Variants in HECW2 observed in about 807,000 individuals in gnomAD.
HECW2 encodes HECT, C2 and WW domain containing E3 ubiquitin protein ligase 2.
In HECW2, 61 loss-of-function variants were observed where a neutral mutation model predicts 175.2. The observed-to-expected ratio is 0.35, with a 90% CI of 0.28 to 0.43. The LOEUF is 0.43. Ranked by LOEUF, HECW2 falls within the 20% of genes least tolerant of loss-of-function variation. HECW2 has a pLI of 1.00. For synonymous variants in HECW2, 671 were observed against 731.0 expected, an observed-to-expected ratio of 0.92 and a Z score of 1.32; for missense variants, 1,524 against 2,000.5, an observed-to-expected ratio of 0.76 and a Z score of 4.54.
chr2:196,433,510 G>A, intron 1 of HECW2, 52 bp from the exon 2 acceptor site: 3 of 1,322,030 alleles, frequency 2.3e-6, no homozygotes, highest in Non-Finnish European at 2.1e-6. Context: ...CGAAGAATCA[G>A]ATTTAAGCTT....
At chr2:196,526,937 C>G (rs1688676296) in intron 1 of HECW2, among the ~76,000 whole-genome samples, 1 of 152,060 alleles carries the variant, frequency 6.6e-6, no homozygotes, top group Non-Finnish European at 1.5e-5. Context: ...TTTTGTTTGT[C>G]TGTGCCCTGC....
intron 10 of HECW2, chr2:196,315,718 G>A (rs993469309): frequency 1.3e-5 from 2 of 152,136 alleles, no homozygotes; most frequent in African/African-American, 4.8e-5. Flanking sequence ...ACATTGAGAT[G>A]TCACAAACAT....
At chr2:196,338,588 C>G (rs921552273) in intron 3 of HECW2, among the ~76,000 whole-genome samples, 3 of 152,152 alleles carry the variant, frequency 2.0e-5, no homozygotes, top group African/African-American at 7.2e-5. Context: ...TTGCCTCAGA[C>G]TAGGATCTCA....
intron 1 of HECW2, among the ~76,000 whole-genome samples, chr2:196,592,124 A>G (rs1691220849): frequency 6.6e-6 from 1 of 152,236 alleles, no homozygotes; most frequent in Non-Finnish European, 1.5e-5. Context: ...ACTACTCCAG[A>G]AAAGACAAGT....
At chr2:196,306,306 T>A (rs1691259053) in intron 13 of HECW2, among the ~76,000 whole-genome samples, 182 bp downstream of exon 13, 1 of 152,184 alleles carries the variant, frequency 6.6e-6, no homozygotes, top group African/African-American at 2.4e-5. Flanking sequence ...AGCAGCCCAA[T>A]GAACTCAAAC....
intron 1 of HECW2, among the ~76,000 whole-genome samples, chr2:196,481,919 T>C (rs938247976): frequency 6.6e-6 from 1 of 152,170 alleles, no homozygotes; most frequent in East Asian, 1.9e-4. Flanking sequence ...TCCCATCCCA[T>C]GGAAAGAACT....
At chr2:196,215,140 C>T (rs1168352801) in intron 28 of HECW2, among the ~76,000 whole-genome samples, 1 of 152,174 alleles carries the variant, frequency 6.6e-6, no homozygotes, top group Non-Finnish European at 1.5e-5. Flanking sequence ...TTCATATGCT[C>T]CTTTTCTGTT....
rs377257662 is a variant in HECW2, at chr2:196,520,856, C to A, written c.-36+72652G>T. Among the ~76,000 whole-genome samples the A allele has an allele frequency of 2.8e-3, 420 of 152,098 alleles. 3 individuals carry two copies. The highest frequency in any genetic ancestry group is 9.4e-3 in the African/African-American group (389 of 41,494). On this transcript the variant is annotated intron_variant, in intron 1 of 28. Coordinates refer to ENST00000644978, the MANE Select transcript of HECW2 (RefSeq NM_001348768.2). ...TGCTCAGTTCACACAGAAGGACACG[C>A]AAGAAGAATAACTCACCACGTATAA...
intron 2 of HECW2, among the ~76,000 whole-genome samples, chr2:196,402,991 G>A (rs149460438): frequency 1.3e-5 from 2 of 152,048 alleles, no homozygotes; most frequent in African/African-American, 4.8e-5. Context: ...ATTTTTCGTA[G>A]AGACGGAGTT....
intron 13 of HECW2, among the ~76,000 whole-genome samples, chr2:196,301,036 C>G (rs758989854): frequency 6.6e-6 from 1 of 151,510 alleles, no homozygotes; most frequent in African/African-American, 2.4e-5. Flanking sequence ...CTCCCTACCC[C>G]ACCCCCGACA....
intron 5 of HECW2, among the ~76,000 whole-genome samples, chr2:196,326,105 A>G (rs1692140842): frequency 6.6e-6 from 1 of 152,200 alleles, no homozygotes; most frequent in African/African-American, 2.4e-5. Context: ...AATTCTGCAT[A>G]TGGCCCCTGA....
In HECW2 at chr2:196,197,266, T is replaced by A. The variant is rs1023107123; in HGVS notation, c.*4011A>T. ...AAATTGAACAGACTCCTATCTTCAT[T>A]ATAAGATATTTGCCTTGTTAGAAGT... On this transcript the variant is annotated 3_prime_UTR_variant, in exon 29 of 29. Coordinates refer to ENST00000644978, the MANE Select transcript of HECW2 (RefSeq NM_001348768.2). 4 of 151,626 alleles carry A rather than the reference T, an allele frequency of 2.6e-5. No individual in the cohort carries two copies. Among genetic ancestry groups the A allele is most frequent in the Admixed American group, 2.6e-4 (4 of 15,202 alleles). 9.4% of individuals were successfully genotyped at this position (151,626 alleles called of 1,614,324 possible). A position where few individuals can be genotyped will look rare whatever the true frequency, so the allele number is the denominator to read the frequency against.
intron 1 of HECW2, among the ~76,000 whole-genome samples, chr2:196,566,413 C>A (rs1031827970): frequency 6.6e-6 from 1 of 151,854 alleles, no homozygotes; most frequent in African/African-American, 2.4e-5. Flanking sequence ...CTTACAAGTT[C>A]TTTATGCATT....
intron 2 of HECW2, among the ~76,000 whole-genome samples, chr2:196,425,084 A>T (rs1188899055): frequency 1.3e-5 from 2 of 152,122 alleles, no homozygotes; most frequent in African/African-American, 4.8e-5. Flanking sequence ...CTTAAGAATT[A>T]TACTAAAGCC....
At chr2:196,436,765 T>C (rs1189709993) in intron 1 of HECW2, among the ~76,000 whole-genome samples, 1 of 146,422 alleles carries the variant, frequency 6.8e-6, no homozygotes, top group Non-Finnish European at 1.5e-5. Context: ...TTTTTTTCAA[T>C]TTCTTTCTTT....
intron 1 of HECW2, among the ~76,000 whole-genome samples, chr2:196,457,678 A>G (rs948573312): frequency 1.5e-4 from 22 of 150,760 alleles, no homozygotes; most frequent in East Asian, 3.9e-4. Flanking sequence ...CTAAAAATGA[A>G]GGAGCGGGAC....
At chr2:196,257,483 G>C (rs1349647918) in intron 18 of HECW2, among the ~76,000 whole-genome samples, 1 of 152,184 alleles carries the variant, frequency 6.6e-6, no homozygotes, top group South Asian at 2.1e-4. Context: ...TAAACTGAAA[G>C]GGTAAACACT....
Position 196,499,682 on chromosome 2 carries a change from C to T in HECW2, c.-35-66224G>A, listed in dbSNP as rs778246829. 4.6e-5 allele frequency among the ~76,000 whole-genome samples: 7 copies of T among 152,154 alleles called. No homozygotes were observed. In the East Asian group the frequency reaches 1.3e-3, roughly 29 times the overall value. On this transcript the variant is annotated intron_variant, in intron 1 of 28. Coordinates refer to ENST00000644978, the MANE Select transcript of HECW2 (RefSeq NM_001348768.2). ...TTTCATATTCAATTAAATTCTGGGA[C>T]TTAATTCTCGCTCTAAGACTTGACA...
intron 1 of HECW2, among the ~76,000 whole-genome samples, chr2:196,436,400 CAAAAAAAAAAAA>C (rs35290180): frequency 1.2e-5 from 1 of 82,086 alleles, no homozygotes; most frequent in Admixed American, 1.3e-4. Context: ...GACTCCATCT[CAAAAAAAAAAAA>C]AAAAAAAAAG....
Sources: allele counts gnomAD v4.1 joint callset (sites outside exome capture counted in the v4.1 genomes callset), GRCh38; gene constraint gnomAD v4.1.1; transcripts MANE v1.5; gene names NCBI Gene and HGNC (gene_info 2026-07-23, HGNC 2026-07-21).